The following ABCA13 variants were observed in gnomAD, a reference collection of about 807,000 sequenced individuals.
The protein encoded by ABCA13 is ATP-binding cassette sub-family A member 13.
Under a neutral mutation model 478.7 loss-of-function variants are expected in ABCA13, and 476 were observed. The ratio of observed to expected loss-of-function variants is 0.99; its 90% CI spans 0.92 to 1.07. ABCA13 has a LOEUF of 1.07. Ranked by LOEUF, ABCA13 falls within the 50% of genes least tolerant of loss-of-function variation. ABCA13 has a pLI of 0.00. For missense variants in ABCA13, 6,060 were observed against 5,910.6 expected (o/e 1.03, Z -0.83); for synonymous variants, 2,252 against 2,158.9 (o/e 1.04, Z -1.20).
chr7:48,368,513 G>A (rs1254934036), intron 32 of ABCA13, among the ~76,000 whole-genome samples: 2 of 151,610 alleles, frequency 1.3e-5, no homozygotes, highest in African/African-American at 2.4e-5. Flanking sequence ...TTATACCTTT[G>A]TGTCTCATAG....
At position 48,180,892 on chromosome 7, in the gene ABCA13, A is replaced by G. The variant is rs188215739; in HGVS notation, c.69+9340A>G. Among the ~76,000 whole-genome samples, 12 of 152,164 alleles carry G rather than the reference A, an allele frequency of 7.9e-5. No individual in the cohort carries two copies. In the East Asian group the frequency reaches 1.7e-3, roughly 22 times the overall value. ...TCTCCAGCCTGGGTGACACAGTGAG[A>G]CCTCACCTCAAACAAAACAAAAGGA... On this transcript the variant is annotated intron_variant, in intron 1 of 61. Coordinates refer to ENST00000435803, the MANE Select transcript of ABCA13 (RefSeq NM_152701.5).
chr7:48,580,151 G>A (rs1788572670), intron 55 of ABCA13, 73 bp from the exon 56 acceptor site: 1 of 1,443,554 alleles, frequency 6.9e-7, no homozygotes, highest in Non-Finnish European at 9.2e-7. Flanking sequence ...TTATTGATGA[G>A]CCACATTTTA....
chr7:48,492,663 C>T (rs913947318), intron 48 of ABCA13, among the ~76,000 whole-genome samples: 5 of 152,136 alleles, frequency 3.3e-5, no homozygotes, highest in Admixed American at 1.3e-4. Flanking sequence ...CTACTTATTG[C>T]TGTTGCCATG....
chr7:48,564,271 CT>C (rs72461939), intron 55 of ABCA13, among the ~76,000 whole-genome samples: 21,091 of 146,810 alleles, frequency 0.14, 1,807 homozygotes, highest in African/African-American at 0.23. Flanking sequence ...TTATCCATGT[CT>C]TTTTTTTTTT....
At chr7:48,438,669 CCA>C (rs1823171455) in intron 42 of ABCA13, among the ~76,000 whole-genome samples, 1 of 151,440 alleles carries the variant, frequency 6.6e-6, no homozygotes, top group South Asian at 2.1e-4. Context: ...CAAAATTTTA[CCA>C]GTTTCTTTAC....
intron 38 of ABCA13, among the ~76,000 whole-genome samples, chr7:48,393,284 C>T (rs540351321): frequency 2.6e-5 from 4 of 152,258 alleles, no homozygotes; most frequent in South Asian, 4.1e-4. Flanking sequence ...GTGTGCAGGC[C>T]GTCTGTCCTG....
intron 59 of ABCA13, chr7:48,626,964 C>T (rs533062688): frequency 6.4e-5 from 63 of 985,268 alleles, no homozygotes; most frequent in African/African-American, 3.1e-4. Flanking sequence ...ATGGTTGAGA[C>T]GGAGGAATAA....
intron 15 of ABCA13, among the ~76,000 whole-genome samples, chr7:48,256,027 G>A (rs1424752082): frequency 6.6e-6 from 1 of 152,016 alleles, no homozygotes; most frequent in African/African-American, 2.4e-5. Context: ...TGGTATCTCA[G>A]TGGTTTTGAT....
intron 59 of ABCA13, among the ~76,000 whole-genome samples, chr7:48,623,318 C>T (rs186272145): frequency 6.6e-6 from 1 of 152,140 alleles, no homozygotes; most frequent in Non-Finnish European, 1.5e-5. Context: ...GTTTTTATTT[C>T]TTCGTTATCC....
intron 39 of ABCA13, chr7:48,404,358 A>G (rs2129076694): frequency 5.4e-6 from 1 of 186,186 alleles, no homozygotes; most frequent in African/African-American, 2.4e-5. Flanking sequence ...TTTCCAATTT[A>G]GGACATTTGA....
intron 47 of ABCA13, among the ~76,000 whole-genome samples, chr7:48,484,412 A>G (rs1042009549): frequency 6.6e-6 from 1 of 152,238 alleles, no homozygotes; most frequent in Non-Finnish European, 1.5e-5. Flanking sequence ...TAGAAAAATA[A>G]AATGTATTTG....
At chr7:48,523,145 C>CTTATTT (rs1244228784) in intron 53 of ABCA13, among the ~76,000 whole-genome samples, 1 of 152,112 alleles carries the variant, frequency 6.6e-6, no homozygotes, top group African/African-American at 2.4e-5. Flanking sequence ...AACTGCAATC[C>CTTATTT]TTATTTTTAT....
At chr7:48,411,474 A>G (rs1819227713) in intron 40 of ABCA13, among the ~76,000 whole-genome samples, 1 of 151,614 alleles carries the variant, frequency 6.6e-6, no homozygotes, top group African/African-American at 2.4e-5. Flanking sequence ...GGCCCAGCTA[A>G]TTTTTGTGTT....
chr7:48,220,505 C>T (rs148945926), intron 4 of ABCA13, among the ~76,000 whole-genome samples: 122 of 152,184 alleles, frequency 8.0e-4, no homozygotes, highest in African/African-American at 2.9e-3. Flanking sequence ...TACAAAACCA[C>T]GAAATAAAGA....
intron 40 of ABCA13, 117 bp downstream of exon 40, chr7:48,410,794 G>A (rs1414356253): frequency 1.4e-5 from 19 of 1,382,022 alleles, no homozygotes; most frequent in Non-Finnish European, 1.8e-5. Context: ...GTGCACAATG[G>A]CCCACATGCC....
intron 5 of ABCA13, among the ~76,000 whole-genome samples, chr7:48,222,779 G>T (rs1014544947): frequency 1.7e-4 from 26 of 152,152 alleles, no homozygotes; most frequent in African/African-American, 6.3e-4. Context: ...TATACCGTTT[G>T]ATTTTCACTG....
chr7:48,481,990 T>C (rs1196310350), intron 46 of ABCA13, among the ~76,000 whole-genome samples: 3 of 152,188 alleles, frequency 2.0e-5, no homozygotes, highest in Non-Finnish European at 4.4e-5. Context: ...TTCTTCAGTC[T>C]CCTTTTATCT....
At position 48,276,367 on chromosome 7, in the gene ABCA13, T is replaced by C. The variant is rs1286471406; in HGVS notation, c.6701T>C (p.Ile2234Thr). The change falls in exon 17 of 62, where the codon ATA becomes ACA. Residue 2234 changes from isoleucine to threonine, a missense_variant. Transcript: ENST00000435803. ...AWNLNDTDLQ[I>T]MNFINLILNH... ...AACTTAAATGATACTGACCTTCAAA[T>C]AATGAATTTCATTAACCTTATCTTG... 4 of 1,548,158 alleles carry C rather than the reference T, an allele frequency of 2.6e-6. No homozygotes were observed. Among genetic ancestry groups the C allele is most frequent in the Non-Finnish European group, 3.5e-6 (4 of 1,147,960 alleles).
intron 9 of ABCA13, among the ~76,000 whole-genome samples, chr7:48,240,093 A>G (rs961447715): frequency 1.3e-5 from 2 of 152,186 alleles, no homozygotes; most frequent in Non-Finnish European, 2.9e-5. Flanking sequence ...TCCTTAAAGA[A>G]CACACCTCTT....
Sources: gnomAD v4.1 joint callset for allele counts (sites outside exome capture counted in the v4.1 genomes callset) on GRCh38, gnomAD v4.1.1 for gene constraint, MANE v1.5 for transcripts, NCBI Gene and HGNC (gene_info 2026-07-23, HGNC 2026-07-21) for gene names.